TRAPPC9: variants seen among roughly 807,000 people sequenced by gnomAD.
TRAPPC9 encodes trafficking protein particle complex subunit 9, also known as IKK2 binding protein.
A neutral mutation model predicts 124.0 loss-of-function variants in TRAPPC9; 83 were observed. That is an observed-to-expected ratio of 0.67 (90% CI 0.56 to 0.80). The LOEUF (loss-of-function observed/expected upper bound fraction) is 0.80, where lower values mean the gene tolerates loss of function less well. Among genes scored for constraint, TRAPPC9 ranks in the 30% least tolerant of loss-of-function variants. The pLI, the probability that TRAPPC9 is intolerant of heterozygous loss-of-function variation, is 0.00. For missense variants in TRAPPC9, 1,302 were observed against 1,508.3 expected (o/e 0.86, Z 2.27); for synonymous variants, 638 against 617.5 (o/e 1.03, Z -0.49).
At chr8:140,150,587 G>A (rs1225208499) in intron 17 of TRAPPC9, among the ~76,000 whole-genome samples, 10 of 152,224 alleles carry the variant, frequency 6.6e-5, no homozygotes. Flanking sequence ...ATCCAAAGGG[G>A]CACTGATAGT....
intron 20 of TRAPPC9, among the ~76,000 whole-genome samples, chr8:139,902,989 C>T (rs1214659513): frequency 6.6e-6 from 1 of 152,226 alleles, no homozygotes; most frequent in Non-Finnish European, 1.5e-5. Context: ...ACCGCCGCCA[C>T]TGTGGAGCCT....
chr8:139,935,669 CTTTTTT>C (rs377706417), intron 19 of TRAPPC9, among the ~76,000 whole-genome samples: 1 of 132,568 alleles, frequency 7.5e-6, no homozygotes. Context: ...TCAGTCTTTG[CTTTTTT>C]TTTTTTTTTT....
chr8:139,900,566 T>C (rs1018505497), intron 20 of TRAPPC9, among the ~76,000 whole-genome samples: 1 of 152,244 alleles, frequency 6.6e-6, no homozygotes, highest in African/African-American at 2.4e-5. Context: ...ATTTAATCAA[T>C]ATTTGTACAG....
rs771522466 is a variant in TRAPPC9, at chr8:140,087,942, G to A, written c.2557-63863C>T. ...TCCATTACCACGTGGTACCATCTCT[G>A]GGCCTCTGCACCAGCTGTGATTTCT... On this transcript the variant is annotated intron_variant, in intron 17 of 22. Coordinates refer to ENST00000438773, the MANE Select transcript of TRAPPC9 (RefSeq NM_001160372.4). The surrounding 1 kb of genome is among the most constrained non-coding windows in gnomAD (Gnocchi z 4.6). Among the ~76,000 whole-genome samples, 2 of 151,910 alleles carry A rather than the reference G, an allele frequency of 1.3e-5. No individual in the cohort carries two copies. The highest frequency in any genetic ancestry group is 2.9e-5 in the Non-Finnish European group (2 of 68,000).
chr8:139,757,602 T>C (rs957191258), intron 21 of TRAPPC9, among the ~76,000 whole-genome samples: 1 of 152,060 alleles, frequency 6.6e-6, no homozygotes, highest in African/African-American at 2.4e-5. Context: ...GCCCTGGAAG[T>C]GGGCTGTGCA....
chr8:139,878,792 C>T (rs1829494343), intron 21 of TRAPPC9, among the ~76,000 whole-genome samples: 1 of 152,104 alleles, frequency 6.6e-6, no homozygotes, highest in Non-Finnish European at 1.5e-5. Flanking sequence ...TAGGGAGACC[C>T]CATCTCTACA....
At chr8:140,006,899 A>G (rs560609821) in intron 18 of TRAPPC9, among the ~76,000 whole-genome samples, 1 of 152,330 alleles carries the variant, frequency 6.6e-6, no homozygotes, top group South Asian at 2.1e-4. Flanking sequence ...TTCTAAAATC[A>G]GATTGTTGTG....
chr8:140,277,775 G>A (rs1399077177), intron 14 of TRAPPC9, among the ~76,000 whole-genome samples: 1 of 152,266 alleles, frequency 6.6e-6, no homozygotes, highest in African/African-American at 2.4e-5. Flanking sequence ...CAGAGGCTGG[G>A]CAAGGGTCAG....
At chr8:139,804,727 G>GCACCACCAC (rs1371595514) in intron 21 of TRAPPC9, among the ~76,000 whole-genome samples, 4 of 43,886 alleles carry the variant, frequency 9.1e-5, no homozygotes, top group Admixed American at 4.7e-4. Context: ...CCGGCACCAA[G>GCACCACCAC]CACCACCACC....
At chr8:140,331,617 AATC>A (rs57241018) in intron 9 of TRAPPC9, among the ~76,000 whole-genome samples, 3 of 150,604 alleles carry the variant, frequency 2.0e-5, no homozygotes, top group Non-Finnish European at 4.4e-5. Flanking sequence ...AACAGCAAAA[AATC>A]ATCATCATCA....
chr8:140,458,466 C>T, upstream of TRAPPC9: 2 of 1,572,898 alleles, frequency 1.3e-6, no homozygotes, highest in Non-Finnish European at 1.7e-6. Context: ...GGGAGCGCCT[C>T]CAGGATCGCA....
intron 17 of TRAPPC9, among the ~76,000 whole-genome samples, chr8:140,075,063 T>G (rs1783073045): frequency 6.6e-6 from 1 of 152,026 alleles, no homozygotes; most frequent in African/African-American, 2.4e-5. Context: ...TGACCCACTC[T>G]CCTCTGCAAT....
chr8:139,964,567 C>G (rs1005044718), intron 19 of TRAPPC9, among the ~76,000 whole-genome samples: 1 of 152,188 alleles, frequency 6.6e-6, no homozygotes, highest in Non-Finnish European at 1.5e-5. Flanking sequence ...GGCATCAGGG[C>G]TTTCGGTATC....
chr8:140,011,347 A>G (rs1052471115), intron 18 of TRAPPC9, among the ~76,000 whole-genome samples: 1 of 151,734 alleles, frequency 6.6e-6, no homozygotes, highest in African/African-American at 2.4e-5. Context: ...GTCTCGAAAA[A>G]TTTAAAAATA....
chr8:140,211,426 G>C (rs894059012), intron 17 of TRAPPC9, among the ~76,000 whole-genome samples: 1 of 152,048 alleles, frequency 6.6e-6, no homozygotes, highest in Non-Finnish European at 1.5e-5. Flanking sequence ...AGGTGTGGTA[G>C]CACGCACCTG....
intron 21 of TRAPPC9, among the ~76,000 whole-genome samples, chr8:139,864,920 G>A (rs1828424434): frequency 6.6e-6 from 1 of 152,166 alleles, no homozygotes; most frequent in African/African-American, 2.4e-5. Context: ...CAGGTCCAAG[G>A]GTGACGCCAT....
chr8:140,446,339 C>A (rs1377265768), intron 2 of TRAPPC9, among the ~76,000 whole-genome samples: 1 of 143,898 alleles, frequency 6.9e-6, no homozygotes, highest in Non-Finnish European at 1.5e-5. Context: ...CTATGTCTTA[C>A]CTACATGAGG....
chr8:140,407,550 T>C, intron 5 of TRAPPC9, among the ~76,000 whole-genome samples: 1 of 152,122 alleles, frequency 6.6e-6, no homozygotes, highest in East Asian at 1.9e-4. Flanking sequence ...AAGTGCTCCC[T>C]CCACCTTTTA....
chr8:139,977,258 T>A (rs1428236608), intron 19 of TRAPPC9, among the ~76,000 whole-genome samples: 1 of 151,764 alleles, frequency 6.6e-6, no homozygotes, highest in Non-Finnish European at 1.5e-5. Flanking sequence ...AACGGCCCCA[T>A]CACAGAACCG....
Sources: allele counts gnomAD v4.1 joint callset (sites outside exome capture counted in the v4.1 genomes callset), GRCh38; gene constraint gnomAD v4.1.1; non-coding constraint Gnocchi (gnomAD v3.1); transcripts MANE v1.5; gene names NCBI Gene and HGNC (gene_info 2026-07-23, HGNC 2026-07-21).